Variants in AMPD2 observed in about 807,000 individuals in gnomAD.
AMPD2 encodes adenosine monophosphate deaminase 2.
AMPD2 carries 52 observed loss-of-function variants against 91.3 expected under a neutral mutation model. The observed-to-expected ratio is 0.57, with a 90% CI of 0.46 to 0.72. AMPD2 has a LOEUF of 0.72. AMPD2 is among the 30% of genes least tolerant of loss of function. The pLI, the probability that AMPD2 is intolerant of heterozygous loss-of-function variation, is 0.00. For synonymous variants in AMPD2, 455 were observed against 456.4 expected, an observed-to-expected ratio of 1.00 and a Z score of 0.04; for missense variants, 822 against 1,122.3, an observed-to-expected ratio of 0.73 and a Z score of 3.82.
chr1:109,629,846 GGCCCATCCACCACCTGGTGTCA>G lies in AMPD2; in HGVS notation c.1917_1938del (p.Ile640SerfsTer76). 4.3e-6 allele frequency: 7 copies of G among 1,612,880 alleles called. No individual in the cohort carries two copies. The highest frequency in any genetic ancestry group is 5.1e-6 in the Non-Finnish European group (6 of 1,179,266). Reference sequence around the variant, plus strand: ...CTGAGGCCACACTGTGGGGAGGCTGGGCCCATCCACCACCTGGTGTCAGCCTTCATGCTGGCTGAGAACATTT... The same window carrying G: ...CTGAGGCCACACTGTGGGGAGGCTGGGCCTTCATGCTGGCTGAGAACATTT... On this transcript the variant is annotated frameshift_variant, in exon 16 of 19. Transcript: ENST00000528667. LOFTEE classifies it high-confidence loss of function.
chr1:109,627,152 C>T (rs1650757367), intron 7 of AMPD2, 23 bp from the exon 8 acceptor site: 2 of 1,611,700 alleles, frequency 1.2e-6, no homozygotes, highest in African/African-American at 1.3e-5. Flanking sequence ...CCTGCTCTGA[C>T]TTTACCCTCC....
chr1:109,620,669 A>G (rs1462829835), intron 1 of AMPD2: 10 of 1,196,884 alleles, frequency 8.4e-6, no homozygotes, highest in Non-Finnish European at 1.0e-5. Context: ...CTGGGTTTTC[A>G]CGGAGTATGC....
At position 109,631,175 on chromosome 1, in the gene AMPD2, C is replaced by T; in HGVS notation, c.*23C>T. Reference sequence around the variant, plus strand: ...TGAGCCTGGTCCATGAAGTGCCCACCACATCGCAGCACTTTTACCACGTTT... The same window carrying T: ...TGAGCCTGGTCCATGAAGTGCCCACTACATCGCAGCACTTTTACCACGTTT... On this transcript the variant is annotated 3_prime_UTR_variant, in exon 19 of 19. Transcript: ENST00000528667. 6.4e-7 allele frequency: 1 copy of T among 1,553,868 alleles called. No individual in the cohort carries two copies. Among genetic ancestry groups the T allele is most frequent in the Non-Finnish European group, 8.7e-7 (1 of 1,146,670 alleles).
chr1:109,629,321 T>A lies in AMPD2; in HGVS notation c.1699-6T>A, dbSNP rs1186218378. 2.5e-6 allele frequency: 4 copies of A among 1,613,976 alleles called. No individual in the cohort carries two copies. In the Admixed American group the frequency reaches 6.7e-5, roughly 27 times the overall value. Reference sequence around the variant, plus strand: ...CTCTGGTTCTGACCCCAGGGTTCTGTATTAGGTGGATGGTTTTGACAGCGT... The same window carrying A: ...CTCTGGTTCTGACCCCAGGGTTCTGAATTAGGTGGATGGTTTTGACAGCGT... On this transcript the variant is annotated splice_region_variant and splice_polypyrimidine_tract_variant and intron_variant, in intron 14 of 18. Coordinates refer to ENST00000528667, the MANE Select transcript of AMPD2 (RefSeq NM_001368809.2).
chr1:109,619,963 G>T lies in AMPD2; in HGVS notation c.-578G>T, dbSNP rs538508449. 126 of 445,140 alleles carry T rather than the reference G, an allele frequency of 2.8e-4. 1 individual carries two copies. The highest frequency in any genetic ancestry group is 2.4e-3 in the African/African-American group (118 of 49,494). The allele number at this position is 445,140 out of a possible 1,614,324, so 27.6% of individuals were successfully genotyped here. On this transcript the variant is annotated 5_prime_UTR_variant, in exon 1 of 19. Transcript: ENST00000528667. ...CCCAGGGAGTGTTGAGAGAAATCTG[G>T]ACGAGTTTCGGGTCCCGCTCCCTTG...
At chr1:109,630,456 G>T (rs761835341) in intron 17 of AMPD2, 50 bp downstream of exon 17, 7 of 1,437,350 alleles carry the variant, frequency 4.9e-6, no homozygotes, top group Non-Finnish European at 6.6e-6. Context: ...GGACGCTGGG[G>T]TCTCCCGGGT....
intron 7 of AMPD2, 56 bp downstream of exon 7, chr1:109,626,968 G>A (rs1650743907): frequency 6.4e-7 from 1 of 1,571,220 alleles, no homozygotes; most frequent in Non-Finnish European, 8.6e-7. Flanking sequence ...GGGCTTCTCA[G>A]CCTGGTGCCT....
rs769386778 is a variant in AMPD2, at chr1:109,620,027, G to C, written c.-514G>C. 1 of 553,142 alleles carries C rather than the reference G, an allele frequency of 1.8e-6. No individual in the cohort carries two copies. Among genetic ancestry groups the C allele is most frequent in the African/African-American group, 1.9e-5 (1 of 52,342 alleles). 34.3% of individuals were successfully genotyped at this position (553,142 alleles called of 1,614,324 possible). On this transcript the variant is annotated 5_prime_UTR_variant, in exon 1 of 19. Coordinates refer to ENST00000528667, the MANE Select transcript of AMPD2 (RefSeq NM_001368809.2). ...TACCAGCCTCTCGATTGCAGGGTTGGGTGGTCGCGACACCGGGGTCGCCTT... is the reference window on the plus strand; with the variant it reads ...TACCAGCCTCTCGATTGCAGGGTTGCGTGGTCGCGACACCGGGGTCGCCTT...
chr1:109,626,065 G>T, intron 4 of AMPD2, 95 bp from the exon 5 acceptor site: 2 of 1,370,064 alleles, frequency 1.5e-6, no homozygotes, highest in East Asian at 2.3e-5. Flanking sequence ...GATCACATGT[G>T]ACAACATGTG....
At chr1:109,627,003 T>C in intron 7 of AMPD2, 91 bp downstream of exon 7, 1 of 1,548,046 alleles carries the variant, frequency 6.5e-7, no homozygotes, top group South Asian at 1.2e-5. Context: ...TGCCTGCCTC[T>C]CCCTACAACC....
In AMPD2 at chr1:109,624,558, T is replaced by C. The variant is rs933120390; in HGVS notation, c.92-745T>C. Among the ~76,000 whole-genome samples the C allele has an allele frequency of 5.3e-5, 8 of 152,142 alleles. No homozygotes were observed. The highest frequency in any genetic ancestry group is 1.2e-4 in the Non-Finnish European group (8 of 68,012). On this transcript the variant is annotated intron_variant, in intron 2 of 18. Transcript: ENST00000528667. The surrounding 1 kb of genome is among the most constrained non-coding windows in gnomAD (Gnocchi z 5.2). ...TCCAGATCCTGGGGCCTGAGTGGCA[T>C]AGACTGTTTGTGGCAGCTCCTTTTG...
rs1428796042 is a variant in AMPD2 at position 109,630,263 on chromosome 1, G to T, written c.2014G>T (p.Ala672Ser). The T allele has an allele frequency of 1.2e-6, 2 of 1,613,458 alleles. No homozygotes were observed. Among genetic ancestry groups the T allele is most frequent in the South Asian group, 2.2e-5 (2 of 91,076 alleles). ...CGTCCTGCAGTACCTGTACTACCTG[G>T]CCCAGATCGGCATCGCCATGTCTCC... is the stretch of plus-strand genomic sequence containing the variant. ...APVLQYLYYL[A>S]QIGIAMSPLS... The change falls in exon 17 of 19, where the codon GCC (alanine) becomes TCC (serine). Residue 672 changes from alanine (A) to serine (S), a missense_variant. Around this residue, in one of 5 missense-constraint regions of AMPD2, gnomAD observed 430 missense variants for 606.0 expected, o/e 0.71. Transcript: ENST00000528667.
chr1:109,628,528 G>A lies in AMPD2; in HGVS notation c.1407+33G>A. The A allele has an allele frequency of 6.2e-7, 1 of 1,612,512 alleles. No homozygotes were observed. Among genetic ancestry groups the A allele is most frequent in the Non-Finnish European group, 8.5e-7 (1 of 1,179,904 alleles). ...GGCAGCCTTCCCTGCCAAGCCTCGA[G>A]CCTGAGGATCTGGGGGCTTTTAGGG... On this transcript the variant is annotated intron_variant, in intron 12 of 18. Coordinates refer to ENST00000528667, the MANE Select transcript of AMPD2 (RefSeq NM_001368809.2). The surrounding 1 kb of genome is among the most constrained non-coding windows in gnomAD (Gnocchi z 7.1).
chr1:109,624,469 TTGA>T lies in AMPD2; in HGVS notation c.92-830_92-828del, dbSNP rs1281361221. ...CGTGGTACAGATGGAAAGTCTAGTC[TTGA>T]TGAAGAAAGACCCCTGGCTTCTGAC... On this transcript the variant is annotated intron_variant, in intron 2 of 18. Transcript: ENST00000528667. This position sits in a 1 kb window ranked among gnomAD's most constrained non-coding sequence, Gnocchi z 5.2. Among the ~76,000 whole-genome samples the T allele has an allele frequency of 6.6e-6, 1 of 152,142 alleles. No homozygotes were observed. The highest frequency in any genetic ancestry group is 1.9e-4 in the East Asian group (1 of 5,184).
chr1:109,620,732 T>G (rs1341696389), intron 1 of AMPD2, 182 bp from the exon 2 acceptor site: 3 of 1,233,596 alleles, frequency 2.4e-6, no homozygotes, highest in Non-Finnish European at 3.1e-6. Flanking sequence ...CGCTGCTGAA[T>G]TCCTGTTTGT....
chr1:109,629,724 T>TG lies in AMPD2; in HGVS notation c.1863-67dup, dbSNP rs5776989. The TG allele has an allele frequency of 0.69, 1,050,716 of 1,526,640 alleles. 367,709 individuals carry two copies. Among genetic ancestry groups the TG allele is most frequent in the East Asian group, 0.99 (43,416 of 44,006 alleles). 94.6% of individuals were successfully genotyped at this position (1,526,640 alleles called of 1,614,324 possible). On this transcript the variant is annotated intron_variant, in intron 15 of 18. Transcript: ENST00000528667. ...GGCTGGAGGACATATGCGTGCTGGG[T>TG]GGGGGTCAGGGGCTCCGGTGAGCCC...
intron 2 of AMPD2, 89 bp downstream of exon 2, chr1:109,621,355 A>G: frequency 1.7e-6 from 2 of 1,174,728 alleles, no homozygotes; most frequent in Non-Finnish European, 2.3e-6. Context: ...AGAGGGGGCC[A>G]CCTCCTCCGG....
In AMPD2 at chr1:109,627,919, G is replaced by A. The variant is rs774577244; in HGVS notation, c.1080+16G>A. ...CATCCGCAAGGTGGGCCCTCACCCC[G>A]TGGCCGTCTCCATGTCCTCATCCCA... is the stretch of plus-strand genomic sequence containing the variant. On this transcript the variant is annotated intron_variant, in intron 10 of 18. Transcript: ENST00000528667. 27 of 1,612,282 alleles carry A rather than the reference G, an allele frequency of 1.7e-5. No homozygotes were observed. Among genetic ancestry groups the A allele is most frequent in the African/African-American group, 1.1e-4 (8 of 74,360 alleles).
In AMPD2 at chr1:109,621,131, C is replaced by G. The variant is rs1030974786; in HGVS notation, c.-45C>G. The stretch of plus-strand genomic sequence containing the variant: ...GGATGTGGCAGAGCCAGGCCCCAGC[C>G]GGTGCCGCTCAGACTCCCCCGCTGT... On this transcript the variant is annotated 5_prime_UTR_variant, in exon 2 of 19. Transcript: ENST00000528667. 2.5e-6 allele frequency: 4 copies of G among 1,598,478 alleles called. No homozygotes were observed. Among genetic ancestry groups the G allele is most frequent in the Non-Finnish European group, 3.4e-6 (4 of 1,172,362 alleles).
Sources: gnomAD v4.1 joint callset for allele counts (sites outside exome capture counted in the v4.1 genomes callset) on GRCh38, gnomAD v4.1.1 for gene constraint, gnomAD v4.1.1 regional missense constraint, Gnocchi (gnomAD v3.1) non-coding constraint, MANE v1.5 for transcripts, NCBI Gene and HGNC (gene_info 2026-07-23, HGNC 2026-07-21) for gene names.